Variants in SDHA observed in about 807,000 individuals in gnomAD.
SDHA encodes succinate dehydrogenase [ubiquinone] flavoprotein subunit, mitochondrial.
Under a neutral mutation model 78.4 loss-of-function variants are expected in SDHA, and 48 were observed. The ratio of observed to expected loss-of-function variants is 0.61; its 90% CI spans 0.49 to 0.78. SDHA has a LOEUF of 0.78. SDHA is among the 30% of genes least tolerant of loss of function. The probability of loss-of-function intolerance (pLI) is 0.00; values close to 1 mark genes in which losing one functional copy is unlikely to be tolerated. For missense variants in SDHA, 680 were observed against 892.7 expected (o/e 0.76, Z 3.04); for synonymous variants, 326 against 353.9 (o/e 0.92, Z 0.88).
At chr5:265,273 A>G in the SDHA span, among the ~76,000 whole-genome samples, 3 of 152,250 alleles carry the variant, frequency 2.0e-5, no homozygotes, top group African/African-American at 7.2e-5. Context: ...AAATAGAAAT[A>G]TAAGCATTAA....
chr5:244,031 C>T (rs999735160), intron 11 of SDHA, among the ~76,000 whole-genome samples: 1 of 152,090 alleles, frequency 6.6e-6, no homozygotes, highest in African/African-American at 2.4e-5. Context: ...AAAAGGAAAA[C>T]TTTGGGCTAA....
At chr5:237,049 A>G (rs1735829696) in intron 10 of SDHA, among the ~76,000 whole-genome samples, 2 of 139,304 alleles carry the variant, frequency 1.4e-5, no homozygotes, top group African/African-American at 6.4e-5. Context: ...GAAATCCAGA[A>G]ATTATATGGT....
At chr5:268,651 G>T in the SDHA span, among the ~76,000 whole-genome samples, 3 of 152,080 alleles carry the variant, frequency 2.0e-5, 1 homozygote, top group South Asian at 6.2e-4. Flanking sequence ...AGTAAAATGT[G>T]GATATGGTGC....
At chr5:245,939 A>T (rs777483933) in intron 11 of SDHA, among the ~76,000 whole-genome samples, 7 of 152,176 alleles carry the variant, frequency 4.6e-5, no homozygotes, top group Non-Finnish European at 8.8e-5. Flanking sequence ...TCCTAGTCTC[A>T]CTAGCCCTCG....
intron 1 of SDHA, among the ~76,000 whole-genome samples, chr5:221,937 C>T (rs1734738474): frequency 6.6e-6 from 1 of 152,084 alleles, no homozygotes; most frequent in African/African-American, 2.4e-5. Flanking sequence ...CATCAACATC[C>T]TAGAAAGAAC....
rs555028212 is a variant in SDHA, at chr5:251,447, G to C, written c.1773G>C (p.Ala591=). The C allele has an allele frequency of 1.2e-6, 2 of 1,613,984 alleles. 1 individual carries two copies. Among genetic ancestry groups the C allele is most frequent in the East Asian group, 4.5e-5 (2 of 44,886 alleles). Residue 591 remains alanine, a synonymous_variant, in exon 13 of 15, where the codon GCG becomes GCC. Coordinates refer to ENST00000264932, the MANE Select transcript of SDHA (RefSeq NM_004168.4). ...AGGCACGGAAGGAGTCACGGGGCGC[G>C]CATGCCAGGGAAGACTACAAGGTGG... ...GAEARKESRG[A]HAREDYKVRI...
rs878854637 is a variant in SDHA, at chr5:233,480, T to C, written c.899T>C (p.Ile300Thr). 1 of 1,614,086 alleles carries C rather than the reference T, an allele frequency of 6.2e-7. No individual in the cohort carries two copies. Residue 300 changes from isoleucine (I) to threonine (T), a missense_variant, in exon 8 of 15, where the codon ATA (isoleucine) becomes ACA (threonine). Transcript: ENST00000264932. ...LEFVQFHPTG[I>T]YGAGCLITEG... ...AAATATGTGTGGTTTTTTGCAGGCA[T>C]ATATGGTGCTGGTTGTCTCATTACG...
intron 14 of SDHA, among the ~76,000 whole-genome samples, chr5:255,830 T>C (rs935421370): frequency 6.6e-6 from 1 of 152,344 alleles, no homozygotes; most frequent in Middle Eastern, 3.4e-3. Context: ...TGGTTTAAAT[T>C]TCTTTGTATA....
At position 236,437 on chromosome 5, in the gene SDHA, C is replaced by T; in HGVS notation, c.1270C>T (p.His424Tyr). The change falls in exon 10 of 15, where the codon CAC becomes TAC. Residue 424 changes from histidine to tyrosine, a missense_variant. Coordinates refer to ENST00000264932, the MANE Select transcript of SDHA (RefSeq NM_004168.4). ...ATCTTCCTTTCCACAGGTCCTGAGGCACGTGAATGGCCAGGATCAGATTGT... is the reference window on the plus strand; with the variant it reads ...ATCTTCCTTTCCACAGGTCCTGAGGTACGTGAATGGCCAGGATCAGATTGT... Reference protein sequence around the residue: ...PTNYKGQVLRHVNGQDQIVPG... With the variant: ...PTNYKGQVLRYVNGQDQIVPG... 1.2e-6 allele frequency: 2 copies of T among 1,613,814 alleles called. No homozygotes were observed. Among genetic ancestry groups the T allele is most frequent in the Non-Finnish European group, 1.7e-6 (2 of 1,179,716 alleles).
Position 254,322 on chromosome 5 carries a change from A to G in SDHA, c.1795-71A>G, listed in dbSNP as rs775450944. On this transcript the variant is annotated intron_variant, in intron 13 of 14. Transcript: ENST00000264932. ...GGGCATCTGTCTCTTAGATCATGTT[A>G]ATGTCTGCTGTGTTTTTTCTGTATT... The G allele has an allele frequency of 1.6e-4, 220 of 1,348,164 alleles. 1 individual carries two copies. Among genetic ancestry groups the G allele is most frequent in the Middle Eastern group, 2.3e-4 (1 of 4,314 alleles). The allele number at this position is 1,348,164 out of a possible 1,614,324, so 83.5% of individuals were successfully genotyped here. A position where few individuals can be genotyped will look rare whatever the true frequency, so the allele number is the denominator to read the frequency against.
chr5:222,683 C>G (rs183576968), intron 1 of SDHA, among the ~76,000 whole-genome samples: 72 of 152,260 alleles, frequency 4.7e-4, no homozygotes, highest in African/African-American at 1.6e-3. Context: ...ATTCAGTGGT[C>G]TTCTCAAATG....
At chr5:253,107 A>G (rs1272594241) in intron 13 of SDHA, 2 of 152,254 alleles carry the variant, frequency 1.3e-5, no homozygotes, top group Non-Finnish European at 2.9e-5. Flanking sequence ...TATGATAGCA[A>G]AAAACGACGG....
intron 3 of SDHA, chr5:224,854 T>C (rs1411630445): frequency 1.0e-5 from 4 of 385,146 alleles, no homozygotes; most frequent in Admixed American, 4.0e-5. Flanking sequence ...AGAATTTAGG[T>C]TGGGGAAGAA....
Position 251,419 on chromosome 5 carries a change from C to G in SDHA, c.1745C>G (p.Ala582Gly). The G allele has an allele frequency of 6.2e-7, 1 of 1,613,950 alleles. No homozygotes were observed. Among genetic ancestry groups the G allele is most frequent in the Non-Finnish European group, 8.5e-7 (1 of 1,179,860 alleles). ...TGTGCGCTGCAGACCATCTACGGAG[C>G]AGAGGCACGGAAGGAGTCACGGGGC... ...MLCALQTIYGAEARKESRGAH... is the reference protein window; with the variant it reads ...MLCALQTIYGGEARKESRGAH... Residue 582 changes from alanine to glycine, a missense_variant, in exon 13 of 15, where the codon GCA (alanine) becomes GGA (glycine). Coordinates refer to ENST00000264932, the MANE Select transcript of SDHA (RefSeq NM_004168.4).
At chr5:229,083 C>T (rs1389839108) in intron 6 of SDHA, among the ~76,000 whole-genome samples, 1 of 151,398 alleles carries the variant, frequency 6.6e-6, no homozygotes, top group Non-Finnish European at 1.5e-5. Context: ...TCATCTCGCT[C>T]CAGTTAGAAT....
At chr5:259,538 G>C (rs1360529646), downstream of SDHA, among the ~76,000 whole-genome samples, 10 of 24,876 alleles carry the variant, frequency 4.0e-4, no homozygotes, top group East Asian at 6.4e-4. Context: ...CCTCCCGCCA[G>C]AGCATTACCG....
Position 239,226 on chromosome 5 carries a change from A to G in SDHA, c.1433-1132A>G, listed in dbSNP as rs544539182. Reference sequence around the variant, plus strand: ...TGAAGAAAATATATATAACGTTATAAAAAAAACTTAAAAACTTTTTTCAAG... The same window carrying G: ...TGAAGAAAATATATATAACGTTATAGAAAAAACTTAAAAACTTTTTTCAAG... On this transcript the variant is annotated intron_variant, in intron 10 of 14. Coordinates refer to ENST00000264932, the MANE Select transcript of SDHA (RefSeq NM_004168.4). Among the ~76,000 whole-genome samples the G allele has an allele frequency of 4.6e-4, 70 of 151,848 alleles. 2 individuals carry two copies. Among genetic ancestry groups the G allele is most frequent in the Admixed American group, 2.4e-3 (36 of 15,272 alleles).
intron 5 of SDHA, 152 bp downstream of exon 5, chr5:226,199 A>T (rs188139287): frequency 1.8e-5 from 15 of 855,212 alleles, no homozygotes; most frequent in Middle Eastern, 6.4e-4. Context: ...GCGACTGTGG[A>T]TGTGACAGGA....
chr5:249,154 C>T (rs1278902340), intron 11 of SDHA: 2 of 388,206 alleles, frequency 5.2e-6, no homozygotes, highest in African/African-American at 4.4e-5. Flanking sequence ...GCTGGTAATC[C>T]ATTAAAATGG....
Sources: allele counts gnomAD v4.1 joint callset (sites outside exome capture counted in the v4.1 genomes callset), GRCh38; gene constraint gnomAD v4.1.1; transcripts MANE v1.5; gene names NCBI Gene and HGNC (gene_info 2026-07-23, HGNC 2026-07-21).